Variants in MARCHF1 observed in about 807,000 individuals in gnomAD.
The protein encoded by MARCHF1 is membrane associated ring-CH-type finger 1, also known as E3 ubiquitin-protein ligase MARCHF1.
MARCHF1 carries 40 observed loss-of-function variants against 54.2 expected under a neutral mutation model. That is an observed-to-expected ratio of 0.74 (90% confidence interval 0.57 to 0.96). The LOEUF (loss-of-function observed/expected upper bound fraction) is 0.96, where lower values mean the gene tolerates loss of function less well. Ranked by LOEUF, MARCHF1 falls within the 40% of genes least tolerant of loss-of-function variation. MARCHF1 has a pLI of 0.00. For missense variants in MARCHF1, 586 were observed against 656.5 expected, an observed-to-expected ratio of 0.89 and a Z score of 1.17; for synonymous variants, 236 against 236.3, an observed-to-expected ratio of 1.00 and a Z score of 0.01.
At chr4:164,001,490 CTG>C (rs1753186007) in intron 2 of MARCHF1, among the ~76,000 whole-genome samples, 2 of 151,714 alleles carry the variant, frequency 1.3e-5, no homozygotes, top group African/African-American at 2.4e-5. Context: ...TTTTTTCACA[CTG>C]TATGCAACTG....
intron 3 of MARCHF1, among the ~76,000 whole-genome samples, chr4:163,936,905 A>G (rs1168436296): frequency 6.6e-6 from 1 of 152,174 alleles, no homozygotes; most frequent in East Asian, 1.9e-4. Flanking sequence ...GCTTTGGGAC[A>G]CAGTTCATCC....
intron 3 of MARCHF1, among the ~76,000 whole-genome samples, chr4:163,911,243 A>G (rs970117708): frequency 1.3e-5 from 2 of 152,114 alleles, no homozygotes; most frequent in Non-Finnish European, 2.9e-5. Flanking sequence ...TGATTGAGTA[A>G]TTTGATTGGT....
At chr4:163,832,817 C>T (rs527263107) in intron 4 of MARCHF1, among the ~76,000 whole-genome samples, 2,070 of 104,812 alleles carry the variant, frequency 0.02, 40 homozygotes, top group African/African-American at 0.056. Flanking sequence ...TCAATTCCCA[C>T]CTACGAGTGA....
chr4:163,612,166 G>A (rs146812970), intron 7 of MARCHF1, 105 bp downstream of exon 7: 10,850 of 999,910 alleles, frequency 0.011, 100 homozygotes, highest in Middle Eastern at 0.029. Context: ...AAAGAACAAT[G>A]TAAATAAATG....
chr4:164,244,932 C>A (rs1220278360), intron 1 of MARCHF1, among the ~76,000 whole-genome samples: 1 of 152,050 alleles, frequency 6.6e-6, no homozygotes, highest in Admixed American at 6.5e-5. Context: ...TCTGAATAGA[C>A]CAATAACAGG....
At chr4:163,963,954 G>A (rs1484394974) in intron 3 of MARCHF1, among the ~76,000 whole-genome samples, 1 of 151,920 alleles carries the variant, frequency 6.6e-6, no homozygotes. Context: ...CTTCTCAGCT[G>A]AGCCCAGTAA....
intron 3 of MARCHF1, among the ~76,000 whole-genome samples, chr4:163,969,595 C>T (rs1417006683): frequency 5.9e-5 from 9 of 152,032 alleles, no homozygotes; most frequent in Admixed American, 3.3e-4. Context: ...CATTATTTAC[C>T]TCCAGTGATA....
At position 164,284,326 on chromosome 4, in the gene MARCHF1, GAGAGAGAC is replaced by G. The variant is rs759985759; in HGVS notation, c.-323+99536_-323+99543del. The stretch of plus-strand genomic sequence containing the variant: ...TCCTTAAGCTAAAGAAAGTGAGAGA[GAGAGAGAC>G]AGAGAGAGAGAGAGAGAGAGAGAGA... On this transcript the variant is annotated intron_variant, in intron 1 of 9. Coordinates refer to ENST00000514618, the MANE Select transcript of MARCHF1 (RefSeq NM_001394959.1). Among the ~76,000 whole-genome samples, 368 of 124,520 alleles carry G rather than the reference GAGAGAGAC, an allele frequency of 3.0e-3. 11 individuals carry two copies. Among genetic ancestry groups the G allele is most frequent in the South Asian group, 0.01 (45 of 4,382 alleles). The allele number at this position is 124,520 out of a possible 152,430, so 81.7% of individuals were successfully genotyped here.
At chr4:163,952,078 A>G (rs1752144049) in intron 3 of MARCHF1, among the ~76,000 whole-genome samples, 1 of 152,168 alleles carries the variant, frequency 6.6e-6, no homozygotes, top group Non-Finnish European at 1.5e-5. Context: ...CCCCCTTAAG[A>G]CTCCATGAAA....
chr4:164,176,970 CTCTCTCTCTCTATA>C (rs1444698677), intron 1 of MARCHF1, among the ~76,000 whole-genome samples: 30 of 57,436 alleles, frequency 5.2e-4, no homozygotes, highest in African/African-American at 2.2e-3. Flanking sequence ...CTCTCTCTCT[CTCTCTCTCTCTATA>C]TATATATATA....
intron 5 of MARCHF1, among the ~76,000 whole-genome samples, chr4:163,676,185 CAAA>C (rs869219643): frequency 0.36 from 32,478 of 89,022 alleles, 4,688 homozygotes; most frequent in Non-Finnish European, 0.48. Context: ...ACTAAAAATA[CAAA>C]AAAAAAAAAA....
At chr4:163,853,990 C>G in intron 4 of MARCHF1, 31 bp downstream of exon 4, 1 of 1,532,358 alleles carries the variant, frequency 6.5e-7, no homozygotes, top group Non-Finnish European at 8.7e-7. Context: ...TACATATAAG[C>G]CAATTTGAGG....
chr4:163,805,999 C>A (rs1305725554), intron 4 of MARCHF1, among the ~76,000 whole-genome samples: 2 of 152,154 alleles, frequency 1.3e-5, no homozygotes, highest in Non-Finnish European at 2.9e-5. Flanking sequence ...GGGAAGATAT[C>A]CTCTACACTT....
chr4:163,744,606 A>G (rs1279655312), intron 4 of MARCHF1, among the ~76,000 whole-genome samples: 1 of 152,230 alleles, frequency 6.6e-6, no homozygotes, highest in Non-Finnish European at 1.5e-5. Flanking sequence ...TACCTGTCAA[A>G]TAAGGAATAT....
intron 1 of MARCHF1, among the ~76,000 whole-genome samples, chr4:164,177,806 G>GAC (rs3059817): frequency 4.0e-5 from 6 of 149,202 alleles, no homozygotes; most frequent in South Asian, 2.1e-4. Flanking sequence ...GTATGAAAGA[G>GAC]ACACACACAC....
At chr4:164,325,094 A>G (rs906574153) in intron 1 of MARCHF1, among the ~76,000 whole-genome samples, 5 of 151,974 alleles carry the variant, frequency 3.3e-5, no homozygotes, top group Non-Finnish European at 5.9e-5. Flanking sequence ...TTAGCATAGG[A>G]ATAGTAGACA....
chr4:163,669,036 C>A (rs186913185), intron 5 of MARCHF1, among the ~76,000 whole-genome samples: 111 of 152,268 alleles, frequency 7.3e-4, no homozygotes, highest in African/African-American at 2.6e-3. Context: ...TTAAGCACTT[C>A]TCTGGTGCTT....
At chr4:163,610,458 G>A (rs145847500) in intron 7 of MARCHF1, among the ~76,000 whole-genome samples, 145 of 152,150 alleles carry the variant, frequency 9.5e-4, no homozygotes, top group African/African-American at 3.5e-3. Context: ...GGGTTTTTAA[G>A]TAAGGAGAAC....
In MARCHF1 at chr4:164,304,336, C is replaced by T. The variant is rs577917954; in HGVS notation, c.-323+79534G>A. ...AGGCAAATCAATCCAATAATGTAAA[C>T]GGGATATTACTAACTAGTAAGCTAA... On this transcript the variant is annotated intron_variant, in intron 1 of 9. Transcript: ENST00000514618. Among the ~76,000 whole-genome samples the T allele has an allele frequency of 9.2e-5, 14 of 152,256 alleles. No homozygotes were observed. In the East Asian group the frequency reaches 2.1e-3, roughly 23 times the overall value.
Sources: allele counts gnomAD v4.1 joint callset (sites outside exome capture counted in the v4.1 genomes callset), GRCh38; gene constraint gnomAD v4.1.1; transcripts MANE v1.5; gene names NCBI Gene and HGNC (gene_info 2026-07-23, HGNC 2026-07-21).